The following PREP variants were observed in gnomAD, a reference collection of about 807,000 sequenced individuals.
PREP encodes prolyl endopeptidase, also known as dJ355L5.1 (prolyl endopeptidase).
A neutral mutation model predicts 87.6 loss-of-function variants in PREP; 29 were observed. The ratio of observed to expected loss-of-function variants is 0.33; its 90% CI spans 0.25 to 0.45. PREP has a LOEUF of 0.45. Among genes scored for constraint, PREP ranks in the 20% least tolerant of loss-of-function variants. PREP has a pLI of 1.00. For synonymous variants in PREP, 337 were observed against 328.6 expected (o/e 1.03, Z -0.28); for missense variants, 695 against 886.5 (o/e 0.78, Z 2.74).
intron 6 of PREP, among the ~76,000 whole-genome samples, chr6:105,353,952 A>G (rs1772026582): frequency 6.6e-6 from 1 of 152,172 alleles, no homozygotes; most frequent in South Asian, 2.1e-4. Context: ...TTGTTAGTAT[A>G]AACAGCAGAA....
chr6:105,314,791 C>A (rs577926699), intron 10 of PREP, among the ~76,000 whole-genome samples: 1 of 152,306 alleles, frequency 6.6e-6, no homozygotes, highest in Admixed American at 6.5e-5. Flanking sequence ...AAATGTTCCT[C>A]ATGGCATCTA....
intron 2 of PREP, among the ~76,000 whole-genome samples, chr6:105,393,583 C>T (rs1347356148): frequency 6.6e-6 from 1 of 152,018 alleles, no homozygotes; most frequent in Non-Finnish European, 1.5e-5. Flanking sequence ...AGAGGAGCAG[C>T]GCTGTCCAGT....
rs548002139 is a variant in PREP at position 105,389,965 on chromosome 6, C to T, written c.120+7888G>A. Among the ~76,000 whole-genome samples, 10 of 152,294 alleles carry T rather than the reference C, an allele frequency of 6.6e-5. No individual in the cohort carries two copies. The East Asian group carries it at 1.9e-3, about 29-fold the overall frequency. ...AATGAAGGGCACCTGGGAAAGCAGACGTTTTCCTACACAAACTTTGTTCTC... is the reference window on the plus strand; with the variant it reads ...AATGAAGGGCACCTGGGAAAGCAGATGTTTTCCTACACAAACTTTGTTCTC... On this transcript the variant is annotated intron_variant, in intron 2 of 14. Transcript: ENST00000652536.
intron 1 of PREP, among the ~76,000 whole-genome samples, chr6:105,400,667 G>A (rs1773404783): frequency 6.6e-6 from 1 of 152,196 alleles, no homozygotes; most frequent in South Asian, 2.1e-4. Context: ...CCCTGTGACA[G>A]GCCTGAATTT....
chr6:105,282,700 G>C (rs1438333523), intron 12 of PREP, 118 bp from the exon 13 acceptor site: 1 of 1,148,496 alleles, frequency 8.7e-7, no homozygotes, highest in Non-Finnish European at 1.2e-6. Flanking sequence ...AAAACCATGG[G>C]TTAACACTGC....
intron 7 of PREP, among the ~76,000 whole-genome samples, chr6:105,340,564 G>A (rs1771617454): frequency 6.6e-6 from 1 of 152,144 alleles, no homozygotes. Context: ...ATGTAAATGG[G>A]CTAAATGCTC....
rs1769927397 is a variant in PREP at position 105,276,209 on chromosome 6, G to C, written c.*1935C>G. On this transcript the variant is annotated 3_prime_UTR_variant, in exon 15 of 15. Transcript: ENST00000652536. ...TGTGAAAATCTAGACACAAAAATTA[G>C]GTTGGAAAAGAGAACTCGTAACTGG... 6.6e-6 allele frequency among the ~76,000 whole-genome samples: 1 copy of C among 152,164 alleles called. No individual in the cohort carries two copies. The highest frequency in any genetic ancestry group is 2.1e-4 in the South Asian group (1 of 4,822).
At chr6:105,309,979 G>A (rs1487753929) in intron 10 of PREP, among the ~76,000 whole-genome samples, 2 of 152,022 alleles carry the variant, frequency 1.3e-5, no homozygotes, top group African/African-American at 2.4e-5. Context: ...ACCTTCTCCC[G>A]GGTCCTGAAC....
chr6:105,348,837 C>G (rs1381553702), intron 7 of PREP, among the ~76,000 whole-genome samples: 2 of 151,558 alleles, frequency 1.3e-5, no homozygotes, highest in Non-Finnish European at 2.9e-5. Flanking sequence ...TGAGATCACG[C>G]CACTGCACTC....
At chr6:105,374,136 G>T (rs1055280722) in intron 4 of PREP, among the ~76,000 whole-genome samples, 1 of 152,146 alleles carries the variant, frequency 6.6e-6, no homozygotes, top group Admixed American at 6.5e-5. Flanking sequence ...GGTAAATAAA[G>T]CCTGAGGGTT....
At chr6:105,400,145 G>T (rs1056241793) in intron 1 of PREP, among the ~76,000 whole-genome samples, 1 of 152,112 alleles carries the variant, frequency 6.6e-6, no homozygotes, top group Non-Finnish European at 1.5e-5. Flanking sequence ...CTACAAATGA[G>T]GTGGATGTGT....
In PREP at chr6:105,333,394, C is replaced by A; in HGVS notation, c.935G>T (p.Arg312Leu). Reference sequence around the variant, plus strand: ...ATCCCTGAAGTCAATGTTGATCACGCGATAGTTGGGAGACTGGCGATTCGT... The same window carrying A: ...ATCCCTGAAGTCAATGTTGATCACGAGATAGTTGGGAGACTGGCGATTCGT... Reference protein sequence around the residue: ...FKTNRQSPNYRVINIDFRDPE... With the variant: ...FKTNRQSPNYLVINIDFRDPE... Residue 312 changes from arginine to leucine, a missense_variant, in exon 8 of 15, where the codon CGC (arginine) becomes CTC (leucine). Around this residue, in one of 5 missense-constraint regions of PREP, gnomAD observed 517 missense variants for 620.3 expected, o/e 0.83. Coordinates refer to ENST00000652536, the MANE Select transcript of PREP (RefSeq NM_002726.5). The A allele has an allele frequency of 1.2e-6, 2 of 1,614,128 alleles. No homozygotes were observed. Among genetic ancestry groups the A allele is most frequent in the East Asian group, 4.5e-5 (2 of 44,876 alleles).
At chr6:105,281,521 G>A in intron 14 of PREP, 1 of 463,344 alleles carries the variant, frequency 2.2e-6, no homozygotes, top group Non-Finnish European at 3.8e-6. Context: ...ATCTTGGGAG[G>A]CCATCTGTAG....
At chr6:105,382,293 A>C (rs2114719476) in intron 2 of PREP, among the ~76,000 whole-genome samples, 1 of 151,942 alleles carries the variant, frequency 6.6e-6, no homozygotes, top group East Asian at 1.9e-4. Context: ...ACACACACAC[A>C]CACACACACA....
intron 8 of PREP, among the ~76,000 whole-genome samples, chr6:105,332,190 G>C (rs1465857269): frequency 2.0e-5 from 3 of 152,030 alleles, no homozygotes; most frequent in African/African-American, 4.8e-5. Context: ...AAACCCAGGA[G>C]TGCTTTCTTC....
chr6:105,374,649 TA>T (rs1345162343), intron 4 of PREP, among the ~76,000 whole-genome samples: 2 of 2,052 alleles, frequency 9.7e-4, no homozygotes, highest in African/African-American at 0.012. Context: ...TATATATATA[TA>T]TATATATATA....
At chr6:105,320,070 A>C (rs1218281290) in intron 10 of PREP, among the ~76,000 whole-genome samples, 1 of 152,240 alleles carries the variant, frequency 6.6e-6, no homozygotes, top group Non-Finnish European at 1.5e-5. Context: ...TTTTCAGGTA[A>C]ATTCACTTAC....
chr6:105,392,324 C>A (rs1239095081), intron 2 of PREP, among the ~76,000 whole-genome samples: 1 of 152,106 alleles, frequency 6.6e-6, no homozygotes, highest in Non-Finnish European at 1.5e-5. Flanking sequence ...AGGCGTGAGC[C>A]CCCACGCCTG....
At chr6:105,376,847 G>A (rs1048965682) in intron 3 of PREP, among the ~76,000 whole-genome samples, 4 of 152,228 alleles carry the variant, frequency 2.6e-5, no homozygotes, top group African/African-American at 9.6e-5. Flanking sequence ...TAGGCAGACT[G>A]TACGTTGCCG....
Sources: allele counts gnomAD v4.1 joint callset (sites outside exome capture counted in the v4.1 genomes callset), GRCh38; gene constraint gnomAD v4.1.1; regional missense constraint gnomAD v4.1.1; transcripts MANE v1.5; gene names NCBI Gene and HGNC (gene_info 2026-07-23, HGNC 2026-07-21).